The following COX7B2 variants were observed in gnomAD, a reference collection of about 807,000 sequenced individuals.
COX7B2 encodes cytochrome c oxidase subunit 7B2, mitochondrial.
For synonymous variants in COX7B2, 37 were observed against 32.1 expected, an observed-to-expected ratio of 1.15 and a Z score of -0.51; for missense variants, 109 against 95.9, an observed-to-expected ratio of 1.14 and a Z score of -0.57.
chr4:46,758,378 T>C (rs1415658434), intron 2 of COX7B2, among the ~76,000 whole-genome samples: 3 of 152,164 alleles, frequency 2.0e-5, no homozygotes, highest in Non-Finnish European at 4.4e-5. Flanking sequence ...ATTTCAGCCA[T>C]ATATCTGGCA....
intron 1 of COX7B2, among the ~76,000 whole-genome samples, chr4:46,871,545 A>C (rs1717989743): frequency 6.6e-6 from 1 of 152,088 alleles, no homozygotes; most frequent in Admixed American, 6.5e-5. Flanking sequence ...CAACAGAGTA[A>C]ACAGCCTACA....
At chr4:46,821,364 G>A (rs1236149704) in intron 2 of COX7B2, among the ~76,000 whole-genome samples, 1 of 152,002 alleles carries the variant, frequency 6.6e-6, no homozygotes, top group Non-Finnish European at 1.5e-5. Context: ...TGAAGTTTGC[G>A]GCAAATCCCA....
chr4:46,883,030 A>T (rs1246198558), intron 1 of COX7B2, among the ~76,000 whole-genome samples: 1 of 152,156 alleles, frequency 6.6e-6, no homozygotes, highest in Non-Finnish European at 1.5e-5. Flanking sequence ...GTTAAGATTA[A>T]TTTTTTCTTA....
chr4:46,823,894 T>C (rs1324593003), intron 2 of COX7B2, among the ~76,000 whole-genome samples: 3 of 151,142 alleles, frequency 2.0e-5, no homozygotes, highest in Non-Finnish European at 4.4e-5. Flanking sequence ...AAATTATTAA[T>C]ATCAGGAATG....
intron 2 of COX7B2, among the ~76,000 whole-genome samples, chr4:46,785,724 C>G (rs943666438): frequency 2.0e-5 from 3 of 151,880 alleles, no homozygotes; most frequent in African/African-American, 7.3e-5. Flanking sequence ...AAAAGAAAGC[C>G]TGGGTGGACA....
At chr4:46,817,742 G>A (rs1719629906) in intron 2 of COX7B2, among the ~76,000 whole-genome samples, 1 of 152,162 alleles carries the variant, frequency 6.6e-6, no homozygotes, top group South Asian at 2.1e-4. Flanking sequence ...AAGAAAGCCA[G>A]GAGGTGAGGA....
In COX7B2 at chr4:46,735,251, G is replaced by C; in HGVS notation, c.-49-10C>G. 2 of 1,590,822 alleles carry C rather than the reference G, an allele frequency of 1.3e-6. No homozygotes were observed. ...TTTTGTTGCAAAGAGGCTGGAAAGA[G>C]AGAAAAGATATGCATTGATGTCCAA... On this transcript the variant is annotated splice_polypyrimidine_tract_variant and intron_variant, in intron 2 of 2. Transcript: ENST00000355591.
chr4:46,781,145 T>C (rs1376143338), intron 2 of COX7B2, among the ~76,000 whole-genome samples: 1 of 152,100 alleles, frequency 6.6e-6, no homozygotes, highest in Non-Finnish European at 1.5e-5. Flanking sequence ...TATTAGAAGG[T>C]GGGCAGTAGA....
At chr4:46,888,630 T>C (rs1429159578) in intron 1 of COX7B2, among the ~76,000 whole-genome samples, 2 of 151,986 alleles carry the variant, frequency 1.3e-5, no homozygotes, top group Non-Finnish European at 2.9e-5. Context: ...ATTTTTTTAC[T>C]AGAGATGGGG....
intron 1 of COX7B2, among the ~76,000 whole-genome samples, chr4:46,859,208 T>C (rs116684233): frequency 6.6e-6 from 1 of 152,148 alleles, no homozygotes; most frequent in Non-Finnish European, 1.5e-5. Flanking sequence ...ATTTCCACCT[T>C]TCCACCCAGA....
chr4:46,811,439 TA>T (rs973912739), intron 2 of COX7B2, among the ~76,000 whole-genome samples: 51 of 152,184 alleles, frequency 3.4e-4, no homozygotes, highest in South Asian at 2.5e-3. Context: ...CAACCATATA[TA>T]TTTTTTTTAT....
intron 1 of COX7B2, among the ~76,000 whole-genome samples, chr4:46,856,066 A>T (rs1716993928): frequency 6.6e-6 from 1 of 152,086 alleles, no homozygotes; most frequent in Non-Finnish European, 1.5e-5. Flanking sequence ...CAACATAAAG[A>T]AACCCCGTCT....
rs147584286 is a variant in COX7B2, at chr4:46,814,407, G to A, written c.-50+30553C>T. Among the ~76,000 whole-genome samples the A allele has an allele frequency of 2.0e-3, 306 of 152,300 alleles. 2 individuals are homozygous for A. Among genetic ancestry groups the A allele is most frequent in the African/African-American group, 7.0e-3 (291 of 41,560 alleles). Reference sequence around the variant, plus strand: ...ACCAGGAAAAAGTGATCCATAATGTGTCTCTTTAAGTGGATCCTTTTTAGA... The same window carrying A: ...ACCAGGAAAAAGTGATCCATAATGTATCTCTTTAAGTGGATCCTTTTTAGA... On this transcript the variant is annotated intron_variant, in intron 2 of 2. Transcript: ENST00000355591.
chr4:46,791,234 C>T, intron 2 of COX7B2, among the ~76,000 whole-genome samples: 1 of 151,264 alleles, frequency 6.6e-6, no homozygotes, highest in Non-Finnish European at 1.5e-5. Context: ...TGGTCTCCAT[C>T]TCCTGACCTC....
At chr4:46,835,819 A>G (rs1292038124) in intron 2 of COX7B2, among the ~76,000 whole-genome samples, 1 of 152,188 alleles carries the variant, frequency 6.6e-6, no homozygotes, top group Non-Finnish European at 1.5e-5. Flanking sequence ...GTGTATTTAC[A>G]CAGCCTCAAT....
chr4:46,907,931 G>A (rs183727347), intron 1 of COX7B2, among the ~76,000 whole-genome samples: 2 of 134,732 alleles, frequency 1.5e-5, no homozygotes, highest in East Asian at 2.3e-4. Flanking sequence ...TCAGCTCACT[G>A]CAACCTCCGC....
At chr4:46,763,224 C>T (rs11939592) in intron 2 of COX7B2, among the ~76,000 whole-genome samples, 43,070 of 133,058 alleles carry the variant, frequency 0.32, 7,051 homozygotes, top group South Asian at 0.48. Context: ...AATATATATT[C>T]ATATATATTA....
At chr4:46,904,587 A>G (rs931171402) in intron 1 of COX7B2, among the ~76,000 whole-genome samples, 11 of 152,206 alleles carry the variant, frequency 7.2e-5, no homozygotes, top group Non-Finnish European at 1.2e-4. Flanking sequence ...ACACCATAAG[A>G]AGAATGCAAA....
At chr4:46,797,806 T>C (rs1316167040) in intron 2 of COX7B2, among the ~76,000 whole-genome samples, 3 of 152,128 alleles carry the variant, frequency 2.0e-5, no homozygotes, top group Non-Finnish European at 2.9e-5. Context: ...CCAGATGAGG[T>C]TGCATTGCTT....
Sources: gnomAD v4.1 joint callset for allele counts (sites outside exome capture counted in the v4.1 genomes callset) on GRCh38, gnomAD v4.1.1 for gene constraint, MANE v1.5 for transcripts, NCBI Gene and HGNC (gene_info 2026-07-23, HGNC 2026-07-21) for gene names.